NPHP4: variants seen among roughly 807,000 people sequenced by gnomAD.
NPHP4 encodes nephrocystin 4.
NPHP4 carries 151 observed loss-of-function variants against 155.8 expected under a neutral mutation model. That is an observed-to-expected ratio of 0.97 (90% CI 0.85 to 1.11). NPHP4 has a LOEUF of 1.11. Among genes scored for constraint, NPHP4 ranks in the 50% least tolerant of loss-of-function variants. The pLI is 0.00. For synonymous variants in NPHP4, 845 were observed against 816.8 expected (o/e 1.03, Z -0.59); for missense variants, 1,956 against 1,925.7 (o/e 1.02, Z -0.29).
At chr1:5,869,099 ATG>A (rs1420002444) in intron 23 of NPHP4, among the ~76,000 whole-genome samples, 1 of 140,434 alleles carries the variant, frequency 7.1e-6, no homozygotes, top group South Asian at 2.4e-4. Context: ...ACATGCACAC[ATG>A]CATGCACCCA....
chr1:5,948,722 G>C (rs796247559), intron 7 of NPHP4, among the ~76,000 whole-genome samples: 28 of 152,204 alleles, frequency 1.8e-4, no homozygotes, highest in African/African-American at 6.7e-4. Flanking sequence ...CTCAGAGGCA[G>C]AGCTCATCAC....
At chr1:5,902,789 A>C (rs1288760258) in intron 16 of NPHP4, among the ~76,000 whole-genome samples, 1 of 152,224 alleles carries the variant, frequency 6.6e-6, no homozygotes, top group Non-Finnish European at 1.5e-5. Context: ...TTATTTTGTC[A>C]TTCAGTTTTA....
chr1:5,880,130 C>A lies in NPHP4; in HGVS notation c.2595G>T (p.Thr865=). The A allele has an allele frequency of 1.2e-6, 2 of 1,613,596 alleles. No individual in the cohort carries two copies. Reference sequence around the variant, plus strand: ...TAAACTCACGCCTTGAGCTTCCAGTCGTGAGGAGGCTGCCTCCAGAGAAGC... The same window carrying A: ...TAAACTCACGCCTTGAGCTTCCAGTAGTGAGGAGGCTGCCTCCAGAGAAGC... ...ASRFSGGSLL[T]TGSSRRKHVV... The change falls in exon 19 of 30, where the codon ACG becomes ACT. Residue 865 remains threonine, a synonymous_variant. Coordinates refer to ENST00000378156, the MANE Select transcript of NPHP4 (RefSeq NM_015102.5).
chr1:5,976,195 G>A (rs916256852), intron 3 of NPHP4, among the ~76,000 whole-genome samples: 8 of 151,852 alleles, frequency 5.3e-5, no homozygotes, highest in Admixed American at 2.6e-4. Flanking sequence ...ACCCCCACCC[G>A]CCACATGGGA....
intron 10 of NPHP4, among the ~76,000 whole-genome samples, chr1:5,932,706 T>C (rs905780731): frequency 1.1e-4 from 16 of 150,302 alleles, no homozygotes; most frequent in Non-Finnish European, 2.2e-4. Context: ...GTCCTACCCC[T>C]TGGTACACAC....
intron 16 of NPHP4, among the ~76,000 whole-genome samples, chr1:5,893,084 G>A (rs987536918): frequency 1.6e-4 from 24 of 152,118 alleles, no homozygotes; most frequent in African/African-American, 4.8e-4. Context: ...CGACCTTAAC[G>A]CAGCACCCCA....
At chr1:5,989,797 G>T (rs1232627179) in intron 1 of NPHP4, among the ~76,000 whole-genome samples, 2 of 152,206 alleles carry the variant, frequency 1.3e-5, no homozygotes, top group Non-Finnish European at 2.9e-5. Context: ...GCAGGACTCA[G>T]TGCCACACTT....
chr1:5,899,858 T>C lies in NPHP4; in HGVS notation c.2143+4759A>G, dbSNP rs372141591. On this transcript the variant is annotated intron_variant, in intron 16 of 29. Coordinates refer to ENST00000378156, the MANE Select transcript of NPHP4 (RefSeq NM_015102.5). ...AAAAAACATTTGCAAAATACGTATCTGATAAAGGACTTGCATCCAAAATAT... is the reference window on the plus strand; with the variant it reads ...AAAAAACATTTGCAAAATACGTATCCGATAAAGGACTTGCATCCAAAATAT... Among the ~76,000 whole-genome samples, 38 of 152,324 alleles carry C rather than the reference T, an allele frequency of 2.5e-4. 1 individual carries two copies. The East Asian group carries it at 6.9e-3, about 28-fold the overall frequency.
In NPHP4 at chr1:5,909,193, G is replaced by C. The variant is rs778043242; in HGVS notation, c.1462C>G (p.Arg488Gly). 15 of 1,604,176 alleles carry C rather than the reference G, an allele frequency of 9.4e-6. No homozygotes were observed. Among genetic ancestry groups the C allele is most frequent in the Middle Eastern group, 1.7e-4 (1 of 6,050 alleles). ...GAGTTCTGCGGGGCAGCGAGAACTC[G>C]AGGTACTGGCGCTGGCGGGCCTGGG... The part of the protein sequence containing the change: ...SPSSPPAPVP[R>G]VLAAPQNSPV... The change falls in exon 12 of 30, where the codon CGA becomes GGA. Residue 488 changes from arginine (R) to glycine (G), a missense_variant. Arg to Gly is a moderately radical substitution (Grantham distance 125). Transcript: ENST00000378156.
chr1:5,907,950 T>C (rs1644992390), intron 12 of NPHP4, among the ~76,000 whole-genome samples: 1 of 152,216 alleles, frequency 6.6e-6, no homozygotes, highest in Non-Finnish European at 1.5e-5. Context: ...TGCGGAGGGC[T>C]GGGGGCCCAC....
intron 7 of NPHP4, among the ~76,000 whole-genome samples, chr1:5,952,138 G>A (rs1648206193): frequency 6.6e-6 from 1 of 152,180 alleles, no homozygotes; most frequent in Non-Finnish European, 1.5e-5. Context: ...AGAACACAAT[G>A]ACCTGTGACA....
chr1:5,924,072 T>C (rs1458998801), intron 11 of NPHP4, among the ~76,000 whole-genome samples: 1 of 152,106 alleles, frequency 6.6e-6, no homozygotes, highest in African/African-American at 2.4e-5. Flanking sequence ...CTTCTAGAGA[T>C]GAAAACTATA....
At chr1:5,940,383 A>C (rs886936864) in intron 9 of NPHP4, among the ~76,000 whole-genome samples, 2 of 152,140 alleles carry the variant, frequency 1.3e-5, no homozygotes, top group Non-Finnish European at 2.9e-5. Context: ...ACCATGCATG[A>C]GCCAATAAAT....
intron 7 of NPHP4, among the ~76,000 whole-genome samples, chr1:5,951,177 C>A (rs962782789): frequency 2.0e-5 from 3 of 152,184 alleles, no homozygotes; most frequent in East Asian, 3.8e-4. Context: ...CCGGAGGAGA[C>A]CCGCGAGGCT....
chr1:5,920,581 G>C lies in NPHP4; in HGVS notation c.1441+7068C>G, dbSNP rs554686197. Reference sequence around the variant, plus strand: ...ATCGCCCGACAATCGCTGGGCATCTGCTCCACGCCAGGCAGCCCCGAGCAC... The same window carrying C: ...ATCGCCCGACAATCGCTGGGCATCTCCTCCACGCCAGGCAGCCCCGAGCAC... On this transcript the variant is annotated intron_variant, in intron 11 of 29. Coordinates refer to ENST00000378156, the MANE Select transcript of NPHP4 (RefSeq NM_015102.5). 3.9e-5 allele frequency among the ~76,000 whole-genome samples: 6 copies of C among 152,252 alleles called. No individual in the cohort carries two copies. The East Asian group carries it at 1.2e-3, about 29-fold the overall frequency.
In NPHP4 at chr1:5,874,611, C is replaced by T. The variant is rs1206926910; in HGVS notation, c.3091G>A (p.Gly1031Ser). 5.0e-6 allele frequency: 8 copies of T among 1,612,132 alleles called. No homozygotes were observed. The highest frequency in any genetic ancestry group is 6.8e-6 in the Non-Finnish European group (8 of 1,179,486). The change falls in exon 22 of 30, where the codon GGC (glycine) becomes AGC (serine). Residue 1031 changes from glycine (G) to serine (S), a missense_variant. Coordinates refer to ENST00000378156, the MANE Select transcript of NPHP4 (RefSeq NM_015102.5). ...TCCTCCTCCACCGGTGTGTGCAGGC[C>T]AGCAGCACCCTTGAAGTCCCTCCAC... ...QEWRDFKGAA[G>S]LHTPVEEDMF...
At chr1:5,869,475 A>G (rs1228136629) in intron 23 of NPHP4, among the ~76,000 whole-genome samples, 1 of 152,218 alleles carries the variant, frequency 6.6e-6, no homozygotes, top group East Asian at 1.9e-4. Flanking sequence ...TTATAGTTTG[A>G]TTTTTGACTT....
Position 5,910,098 on chromosome 1 carries a change from G to A in NPHP4, c.1442-885C>T, listed in dbSNP as rs1358691166. Among the ~76,000 whole-genome samples the A allele has an allele frequency of 6.6e-6, 1 of 152,164 alleles. No homozygotes were observed. The highest frequency in any genetic ancestry group is 2.4e-5 in the African/African-American group (1 of 41,424). On this transcript the variant is annotated intron_variant, in intron 11 of 29. Transcript: ENST00000378156. The surrounding 1 kb of genome is among the most constrained non-coding windows in gnomAD (Gnocchi z 5.4). ...GCGTCCATAGCCACTCGTCTCTTAC[G>A]GTCATTTCACATACACTGCCATTTG...
intron 5 of NPHP4, among the ~76,000 whole-genome samples, chr1:5,966,051 G>A (rs1025842907): frequency 2.0e-5 from 3 of 152,072 alleles, no homozygotes; most frequent in Non-Finnish European, 4.4e-5. Context: ...CCCCTCTCTC[G>A]AAGGGTCTGT....
Sources: gnomAD v4.1 joint callset for allele counts (sites outside exome capture counted in the v4.1 genomes callset) on GRCh38, gnomAD v4.1.1 for gene constraint, Gnocchi (gnomAD v3.1) non-coding constraint, MANE v1.5 for transcripts, NCBI Gene and HGNC (gene_info 2026-07-23, HGNC 2026-07-21) for gene names.